LINC00237: variants seen among roughly 807,000 people sequenced by gnomAD.
LINC00237 encodes the protein long intergenic non-protein coding RNA 237.
chr20:21,090,328 T>C (rs1186593100), intron 2 of LINC00237: 2 of 152,242 alleles, frequency 1.3e-5, no homozygotes, highest in Admixed American at 6.5e-5. Flanking sequence ...ACGGTGTTTT[T>C]CCTGCTGAGA....
chr20:21,086,238 C>T (rs1479732086), intron 3 of LINC00237, among the ~76,000 whole-genome samples: 1 of 152,068 alleles, frequency 6.6e-6, no homozygotes, highest in Non-Finnish European at 1.5e-5. Context: ...CCTGTTAGTG[C>T]CTTTGTTCAC....
chr20:21,092,638 A>T (rs776436817), intron 2 of LINC00237, among the ~76,000 whole-genome samples: 34 of 152,154 alleles, frequency 2.2e-4, no homozygotes, highest in Admixed American at 7.2e-4. Flanking sequence ...GATTCTTTTC[A>T]ATTAACAGAA....
chr20:21,098,785 T>C (rs2030891619), intron 1 of LINC00237, among the ~76,000 whole-genome samples: 1 of 152,246 alleles, frequency 6.6e-6, no homozygotes, highest in Non-Finnish European at 1.5e-5. Context: ...TCGAACATCC[T>C]ATTATATTGC....
chr20:21,095,980 C>T (rs2030853082), intron 1 of LINC00237, among the ~76,000 whole-genome samples: 1 of 152,188 alleles, frequency 6.6e-6, no homozygotes. Context: ...GAATTAAATT[C>T]CAGGTGCCCA....
chr20:21,105,427 G>T (rs1249091799), intron 1 of LINC00237, among the ~76,000 whole-genome samples: 2 of 152,190 alleles, frequency 1.3e-5, no homozygotes, highest in East Asian at 1.9e-4. Context: ...TCCCGCAAGT[G>T]GTTTCTCGAG....
At chr20:21,094,594 G>C (rs1470993051) in intron 1 of LINC00237, among the ~76,000 whole-genome samples, 1 of 152,164 alleles carries the variant, frequency 6.6e-6, no homozygotes, top group Admixed American at 6.5e-5. Flanking sequence ...AAGCATGATA[G>C]TATCCGAATA....
chr20:21,094,577 G>A (rs936251036), intron 1 of LINC00237, among the ~76,000 whole-genome samples: 3 of 152,112 alleles, frequency 2.0e-5, no homozygotes, highest in Non-Finnish European at 4.4e-5. Context: ...TGGAAAGAGG[G>A]GTGGGTAAGC....
chr20:21,105,272 A>G, intron 1 of LINC00237, among the ~76,000 whole-genome samples: 1 of 147,422 alleles, frequency 6.8e-6, no homozygotes, highest in East Asian at 2.0e-4. Context: ...GGTCTGAACA[A>G]CCCCCCCGTC....
intron 1 of LINC00237, among the ~76,000 whole-genome samples, chr20:21,105,360 G>T (rs931002230): frequency 3.3e-5 from 5 of 149,680 alleles, no homozygotes; most frequent in Non-Finnish European, 4.4e-5. Flanking sequence ...TGCCCTCCTC[G>T]GGCTAAAAGT....
chr20:21,105,349 C>G (rs1348409625), intron 1 of LINC00237, among the ~76,000 whole-genome samples: 10 of 150,390 alleles, frequency 6.6e-5, no homozygotes, highest in African/African-American at 2.4e-4. Context: ...TGTCGAGGGC[C>G]TGCCCTCCTC....
intron 2 of LINC00237, among the ~76,000 whole-genome samples, chr20:21,090,837 A>T (rs1292486659): frequency 1.3e-5 from 2 of 152,146 alleles, no homozygotes; most frequent in East Asian, 3.9e-4. Flanking sequence ...AATTGTTTAC[A>T]AGTGTCTTTA....
At chr20:21,087,598 T>C (rs1454226842) in intron 3 of LINC00237, 1 of 152,214 alleles carries the variant, frequency 6.6e-6, no homozygotes, top group East Asian at 1.9e-4. Context: ...AACATTGTTG[T>C]TCACTTTAAT....
chr20:21,089,130 C>T (rs2030755135), intron 2 of LINC00237, among the ~76,000 whole-genome samples: 2 of 150,766 alleles, frequency 1.3e-5, no homozygotes, highest in South Asian at 2.1e-4. Context: ...ACCTTTTTCT[C>T]ATTGAGTTTC....
chr20:21,104,240 A>C (rs77069161), intron 1 of LINC00237, among the ~76,000 whole-genome samples: 2,138 of 152,312 alleles, frequency 0.014, 48 homozygotes, highest in African/African-American at 0.049. Flanking sequence ...ACCAGATATA[A>C]GGGGGTCAGT....
intron 1 of LINC00237, among the ~76,000 whole-genome samples, chr20:21,094,737 G>A (rs1182140930): frequency 6.6e-6 from 1 of 151,982 alleles, no homozygotes; most frequent in Non-Finnish European, 1.5e-5. Flanking sequence ...TGGGCCACAT[G>A]GCCAGATCCT....
chr20:21,105,631 T>G (rs1299649591), intron 1 of LINC00237, among the ~76,000 whole-genome samples: 1 of 152,150 alleles, frequency 6.6e-6, no homozygotes, highest in Non-Finnish European at 1.5e-5. Flanking sequence ...TGAGCCCCCC[T>G]AAACGACCTC....
chr20:21,102,696 GA>G (rs34351894), intron 1 of LINC00237, among the ~76,000 whole-genome samples: 4,440 of 130,846 alleles, frequency 0.034, 139 homozygotes, highest in African/African-American at 0.089. Context: ...TATTTTATAA[GA>G]AAAAAAAAAA....
chr20:21,085,787 A>G (rs2030684148), exon 4 of LINC00237, among the ~76,000 whole-genome samples: 1 of 152,138 alleles, frequency 6.6e-6, no homozygotes, highest in African/African-American at 2.4e-5. Context: ...CACTTATTGT[A>G]TGTGTACTTT....
intron 3 of LINC00237, among the ~76,000 whole-genome samples, chr20:21,086,516 T>TATATCTATATAC (rs2122163295): frequency 6.9e-6 from 1 of 145,310 alleles, no homozygotes; most frequent in South Asian, 2.2e-4. Context: ...TACATATCTA[T>TATATCTATATAC]ATAGATACAT....
Sources: gnomAD v4.1 joint callset for allele counts (sites outside exome capture counted in the v4.1 genomes callset) on GRCh38, gnomAD v4.1.1 for gene constraint, MANE v1.5 for transcripts, NCBI Gene and HGNC (gene_info 2026-07-23, HGNC 2026-07-21) for gene names.